The following GPR89B variants were observed in gnomAD, a reference collection of about 807,000 sequenced individuals.
GPR89B encodes golgi pH regulator B.
In GPR89B, 25 loss-of-function variants were observed where a neutral mutation model predicts 52.4. That is an observed-to-expected ratio of 0.48 (90% CI 0.35 to 0.67). GPR89B has a LOEUF of 0.67. Ranked by LOEUF, GPR89B falls within the 30% of genes least tolerant of loss-of-function variation. GPR89B has a pLI of 0.01. For missense variants in GPR89B, 146 were observed against 450.2 expected (o/e 0.32, Z 6.11); for synonymous variants, 52 against 151.2 (o/e 0.34, Z 4.81).
chr1:147,970,281 A>G (rs1657318638), intron 10 of GPR89B, among the ~76,000 whole-genome samples: 1 of 151,994 alleles, frequency 6.6e-6, no homozygotes, highest in Admixed American at 6.5e-5. Flanking sequence ...ATATCACCTG[A>G]GGTCAGGAAT....
chr1:147,952,843 C>T (rs1415894518), intron 5 of GPR89B, among the ~76,000 whole-genome samples: 2 of 150,102 alleles, frequency 1.3e-5, no homozygotes, highest in South Asian at 2.1e-4. Flanking sequence ...TAAGTTTAGT[C>T]CTTTTATTAG....
At chr1:147,946,025 C>G (rs1218829793) in intron 5 of GPR89B, among the ~76,000 whole-genome samples, 1 of 151,922 alleles carries the variant, frequency 6.6e-6, no homozygotes, top group African/African-American at 2.4e-5. Context: ...CACACCCAGC[C>G]TCAAGTTTCT....
chr1:147,947,232 G>A (rs587637719), intron 5 of GPR89B, among the ~76,000 whole-genome samples: 44 of 152,096 alleles, frequency 2.9e-4, no homozygotes, highest in Non-Finnish European at 2.4e-4. Flanking sequence ...CTACTCCCCG[G>A]AGGCCGGAGA....
At chr1:147,986,022 T>C (rs1374554414) in intron 10 of GPR89B, among the ~76,000 whole-genome samples, 177 bp from the exon 11 acceptor site, 2 of 152,254 alleles carry the variant, frequency 1.3e-5, no homozygotes, top group African/African-American at 4.8e-5. Context: ...TGTTTGCCTA[T>C]ATATGAGTAT....
At position 147,993,353 on chromosome 1, in the gene GPR89B, C is replaced by T. The variant is rs1306366277; in HGVS notation, c.*436C>T. 6.8e-5 allele frequency: 18 copies of T among 264,118 alleles called. No homozygotes were observed. Among genetic ancestry groups the T allele is most frequent in the Non-Finnish European group, 9.5e-5 (13 of 136,836 alleles). The allele number at this position is 264,118 out of a possible 1,614,324, so 16.4% of individuals were successfully genotyped here. ...CAGAGACTGTAACACTTTTGCCTTA[C>T]GTTCATTTTATCAAGCATAGCTTGG... On this transcript the variant is annotated 3_prime_UTR_variant, in exon 14 of 14. Coordinates refer to ENST00000314163, the MANE Select transcript of GPR89B (RefSeq NM_016334.5).
Position 147,977,672 on chromosome 1 carries a change from T to C in GPR89B, c.909+7713T>C, listed in dbSNP as rs1427092017. On this transcript the variant is annotated intron_variant, in intron 10 of 13. Transcript: ENST00000314163. ...TATGTAATCCCATAGTTCTCAGAGG[T>C]TTTGTTCATTCCTTTTCATTCTTTT... 6.5e-3 allele frequency among the ~76,000 whole-genome samples: 971 copies of C among 149,402 alleles called. 15 individuals are homozygous for C. The highest frequency in any genetic ancestry group is 0.023 in the African/African-American group (920 of 40,092).
At chr1:148,015,732 C>G in the GPR89B span, among the ~76,000 whole-genome samples, 3 of 149,384 alleles carry the variant, frequency 2.0e-5, no homozygotes, top group African/African-American at 7.5e-5. Flanking sequence ...ATATAATGTT[C>G]TAGTCATTCT....
chr1:147,988,884 C>T (rs1658859135), intron 12 of GPR89B, among the ~76,000 whole-genome samples: 1 of 142,800 alleles, frequency 7.0e-6, no homozygotes, highest in Non-Finnish European at 1.5e-5. Context: ...ATAGGTGGTA[C>T]CATGAGATAA....
intron 7 of GPR89B, among the ~76,000 whole-genome samples, chr1:147,962,940 T>A (rs1656718575): frequency 1.4e-5 from 2 of 139,804 alleles, no homozygotes; most frequent in African/African-American, 2.7e-5. Flanking sequence ...AATGTAAAAC[T>A]ATAAAACTTT....
intron 12 of GPR89B, among the ~76,000 whole-genome samples, chr1:147,989,313 A>G (rs2149095309): frequency 1.3e-5 from 2 of 152,368 alleles, no homozygotes; most frequent in South Asian, 4.1e-4. Flanking sequence ...TCAACATTTC[A>G]TTATAATGCT....
chr1:148,015,260 AG>A, the GPR89B span, among the ~76,000 whole-genome samples: 11 of 141,654 alleles, frequency 7.8e-5, no homozygotes, highest in African/African-American at 2.7e-4. Context: ...ATACGACATG[AG>A]GACGTAAATC....
chr1:147,947,993 CA>C (rs1331956375), intron 5 of GPR89B, among the ~76,000 whole-genome samples: 1 of 152,192 alleles, frequency 6.6e-6, no homozygotes, highest in Non-Finnish European at 1.5e-5. Flanking sequence ...AAATAAACCA[CA>C]AACGGAACAA....
At chr1:148,015,293 A>ATCTCTCCC in the GPR89B span, among the ~76,000 whole-genome samples, 1 of 69,860 alleles carries the variant, frequency 1.4e-5, no homozygotes, top group African/African-American at 6.6e-5. Context: ...GGATTCTAGG[A>ATCTCTCCC]TCTCTCTCTC....
At chr1:147,996,147 C>T (rs1659313878), downstream of GPR89B, among the ~76,000 whole-genome samples, 1 of 152,040 alleles carries the variant, frequency 6.6e-6, no homozygotes, top group East Asian at 1.9e-4. Context: ...ATAAATAGGT[C>T]CCCCTTCTTC....
chr1:147,949,981 C>T (rs2149053470), intron 5 of GPR89B, among the ~76,000 whole-genome samples: 2 of 144,694 alleles, frequency 1.4e-5, no homozygotes, highest in African/African-American at 5.3e-5. Flanking sequence ...GGGCTGACCC[C>T]CCCACCTCCC....
In GPR89B at chr1:147,986,363, G is replaced by T. The variant is rs1208594276; in HGVS notation, c.1005+69G>T. 2.1e-5 allele frequency: 33 copies of T among 1,600,722 alleles called. No homozygotes were observed. The African/African-American group carries it at 4.3e-4, about 21-fold the overall frequency. Reference sequence around the variant, plus strand: ...ATCTGCTATAACTTATCATTGTTAAGATTCTAATTTGTATACTTTAGGTAC... The same window carrying T: ...ATCTGCTATAACTTATCATTGTTAATATTCTAATTTGTATACTTTAGGTAC... On this transcript the variant is annotated intron_variant, in intron 11 of 13. Coordinates refer to ENST00000314163, the MANE Select transcript of GPR89B (RefSeq NM_016334.5).
chr1:148,007,185 C>T, the GPR89B span, among the ~76,000 whole-genome samples: 1 of 136,220 alleles, frequency 7.3e-6, no homozygotes, highest in Non-Finnish European at 1.6e-5. Context: ...ACACCATTCT[C>T]CTGCCTCAGC....
intron 5 of GPR89B, among the ~76,000 whole-genome samples, chr1:147,949,933 C>A (rs1399946585): frequency 6.4e-5 from 9 of 140,240 alleles, no homozygotes; most frequent in Admixed American, 1.4e-4. Flanking sequence ...GGCTGACCCC[C>A]CCACCTCCCT....
chr1:147,952,616 C>A (rs1553251245), intron 5 of GPR89B, among the ~76,000 whole-genome samples: 1 of 152,078 alleles, frequency 6.6e-6, no homozygotes, highest in African/African-American at 2.4e-5. Flanking sequence ...AAAGTGAAAA[C>A]CAATTAAAAC....
Sources: gnomAD v4.1 joint callset for allele counts (sites outside exome capture counted in the v4.1 genomes callset) on GRCh38, gnomAD v4.1.1 for gene constraint, MANE v1.5 for transcripts, NCBI Gene and HGNC (gene_info 2026-07-23, HGNC 2026-07-21) for gene names.